The following KCNMB3 variants were observed in gnomAD, a reference collection of about 807,000 sequenced individuals.
KCNMB3 encodes the protein calcium-activated potassium channel subunit beta-3.
Under a neutral mutation model 11.9 loss-of-function variants are expected in KCNMB3, and 18 were observed. The ratio of observed to expected loss-of-function variants is 1.51; its 90% CI spans 1.04 to 2.23. The LOEUF (loss-of-function observed/expected upper bound fraction) is 2.23. Among genes scored for constraint, KCNMB3 ranks in the 30% most tolerant of loss-of-function variants. The pLI, the probability that KCNMB3 is intolerant of heterozygous loss-of-function variation, is 0.00. For missense variants in KCNMB3, 247 were observed against 329.4 expected (o/e 0.75, Z 1.94); for synonymous variants, 78 against 119.2 (o/e 0.65, Z 2.25).
rs187823050 is a variant in KCNMB3 at position 179,242,884 on chromosome 3, A to C, written c.*20T>G. 2.3e-4 allele frequency: 367 copies of C among 1,563,654 alleles called. 3 individuals are homozygous for C. In the African/African-American group the frequency reaches 4.5e-3, roughly 19 times the overall value. ...AAATCACAGACATCTGAAGGCCAGC[A>C]CTTTAATTTGGCCACCGTCTTAAGA... is the stretch of plus-strand genomic sequence containing the variant. On this transcript the variant is annotated 3_prime_UTR_variant, in exon 3 of 3. Coordinates refer to ENST00000392685, the MANE Select transcript of KCNMB3 (RefSeq NM_171830.2).
chr3:179,266,685 T>C (rs1364842052), exon 1 of KCNMB3: 1 of 1,614,204 alleles, frequency 6.2e-7, no homozygotes. Flanking sequence ...AAGTGTGATT[T>C]GCACGGGGAT....
chr3:179,255,708 G>A (rs1466255919), upstream of KCNMB3, among the ~76,000 whole-genome samples: 2 of 152,146 alleles, frequency 1.3e-5, no homozygotes, highest in African/African-American at 4.8e-5. Flanking sequence ...CCAGTTCCCA[G>A]ACTCCAGAAG....
intron 1 of KCNMB3, among the ~76,000 whole-genome samples, chr3:179,248,702 T>C (rs1010805315): frequency 6.9e-6 from 1 of 144,158 alleles, no homozygotes; most frequent in Non-Finnish European, 1.5e-5. Context: ...CACTTCAGCC[T>C]GGGTGACAGA....
At chr3:179,247,589 C>T (rs186031872) in intron 1 of KCNMB3, among the ~76,000 whole-genome samples, 95 of 152,252 alleles carry the variant, frequency 6.2e-4, no homozygotes, top group South Asian at 3.9e-3. Flanking sequence ...TACAAAGTTG[C>T]CTCTGGGTTT....
upstream of KCNMB3, among the ~76,000 whole-genome samples, chr3:179,254,902 T>C (rs1426862995): frequency 6.6e-6 from 1 of 152,178 alleles, no homozygotes; most frequent in Non-Finnish European, 1.5e-5. Flanking sequence ...AGGTAGTTCA[T>C]GGCTATAATC....
intron 1 of KCNMB3, among the ~76,000 whole-genome samples, chr3:179,257,737 G>A (rs1726059781): frequency 6.6e-6 from 1 of 152,128 alleles, no homozygotes; most frequent in Admixed American, 6.6e-5. Context: ...TTTAGAGACA[G>A]GGTCTCACTC....
chr3:179,258,529 C>T (rs1301084151), intron 1 of KCNMB3, among the ~76,000 whole-genome samples: 1 of 152,080 alleles, frequency 6.6e-6, no homozygotes, highest in Non-Finnish European at 1.5e-5. Flanking sequence ...AATAAAATAC[C>T]ATACAGGTTA....
At chr3:179,260,428 C>T (rs1726169063) in intron 1 of KCNMB3, 14 of 1,613,842 alleles carry the variant, frequency 8.7e-6, no homozygotes, top group Middle Eastern at 1.7e-4. Context: ...GCAGTGAATA[C>T]CTCTATGTCC....
rs372602714 is a variant in KCNMB3 at position 179,265,710 on chromosome 3, G to A, written c.62+939C>T. Among the ~76,000 whole-genome samples, 9 of 152,228 alleles carry A rather than the reference G, an allele frequency of 5.9e-5. 2 individuals are homozygous for A. The highest frequency in any genetic ancestry group is 1.9e-4 in the East Asian group (1 of 5,184). On this transcript the variant is annotated intron_variant, in intron 1 of 3. Transcript: ENST00000349697. ...TGACCTCAGGTGATCCACTCACCTCGGCCTCCCAAAGTGCTGGGATTACAG... is the reference window on the plus strand; with the variant it reads ...TGACCTCAGGTGATCCACTCACCTCAGCCTCCCAAAGTGCTGGGATTACAG...
Position 179,249,641 on chromosome 3 carries a change from C to A in KCNMB3, c.248+1102G>T, listed in dbSNP as rs369067233. Among the ~76,000 whole-genome samples the A allele has an allele frequency of 1.9e-3, 291 of 152,214 alleles. 2 individuals are homozygous for A. Among genetic ancestry groups the A allele is most frequent in the South Asian group, 0.013 (64 of 4,820 alleles). On this transcript the variant is annotated intron_variant, in intron 1 of 2. Coordinates refer to ENST00000392685, the MANE Select transcript of KCNMB3 (RefSeq NM_171830.2). ...TGAGCCAAGATCGTGCCACTGCACT[C>A]CAGCCTGGCGACAGAGCAAGACTCC...
At chr3:179,266,566 C>A in intron 1 of KCNMB3, 1 of 1,532,898 alleles carries the variant, frequency 6.5e-7, no homozygotes, top group South Asian at 1.1e-5. Flanking sequence ...CACTCACTCC[C>A]CAAGCTCGAG....
At chr3:179,256,967 G>A (rs532724458) in intron 1 of KCNMB3, among the ~76,000 whole-genome samples, 5 of 152,140 alleles carry the variant, frequency 3.3e-5, no homozygotes, top group Admixed American at 1.3e-4. Context: ...TTCGAGACCA[G>A]CCTGGGCAAC....
rs149330490 is a variant in KCNMB3, at chr3:179,248,690, T to C, written c.248+2053A>G. 4.0e-3 allele frequency among the ~76,000 whole-genome samples: 590 copies of C among 146,698 alleles called. 3 individuals carry two copies. The highest frequency in any genetic ancestry group is 0.014 in the African/African-American group (573 of 39,574). On this transcript the variant is annotated intron_variant, in intron 1 of 2. Transcript: ENST00000392685. ...CTGCAGTGAGCCATGATTGAACCAC[T>C]GCACTTCAGCCTGGGTGACAGAGTG... is the stretch of plus-strand genomic sequence containing the variant.
chr3:179,259,165 T>A (rs1726119223), intron 1 of KCNMB3: 1 of 1,563,842 alleles, frequency 6.4e-7, no homozygotes, highest in East Asian at 2.2e-5. Flanking sequence ...AAAGCTTTCC[T>A]GATGGTCTGA....
At position 179,249,264 on chromosome 3, in the gene KCNMB3, C is replaced by T. The variant is rs1448193153; in HGVS notation, c.248+1479G>A. ...TCCTGACCTCGTGATCCACCCATCT[C>T]GGCCTCCCAAAGTGCTGGGATTACA... is the stretch of plus-strand genomic sequence containing the variant. On this transcript the variant is annotated intron_variant, in intron 1 of 2. Coordinates refer to ENST00000392685, the MANE Select transcript of KCNMB3 (RefSeq NM_171830.2). Among the ~76,000 whole-genome samples the T allele has an allele frequency of 2.0e-5, 3 of 150,420 alleles. No homozygotes were observed. In the East Asian group the frequency reaches 5.9e-4, roughly 30 times the overall value.
intron 1 of KCNMB3, chr3:179,260,354 T>A: frequency 1.9e-6 from 3 of 1,614,054 alleles, no homozygotes; most frequent in Non-Finnish European, 2.5e-6. Flanking sequence ...AGGTAGCACC[T>A]GCTAAGGTTC....
intron 1 of KCNMB3, chr3:179,261,329 G>GCC (rs147623976): frequency 4.6e-4 from 520 of 1,128,972 alleles, no homozygotes; most frequent in Admixed American, 6.2e-4. Context: ...CCGTGCCGGA[G>GCC]CCCCCCCCCG....
chr3:179,266,749 AGTCATGCCCCTGC>A, exon 1 of KCNMB3: 2 of 1,611,276 alleles, frequency 1.2e-6, no homozygotes, highest in Non-Finnish European at 1.7e-6. Flanking sequence ...CTTTCACCTG[AGTCATGCCCCTGC>A]GGGCGCAAGA....
intron 1 of KCNMB3, chr3:179,260,899 T>TGAAATGAA: frequency 8.7e-7 from 1 of 1,152,164 alleles, no homozygotes; most frequent in Non-Finnish European, 1.3e-6. Flanking sequence ...TTTCATTGTC[T>TGAAATGAA]AACTGAGCAT....
Sources: allele counts gnomAD v4.1 joint callset (sites outside exome capture counted in the v4.1 genomes callset), GRCh38; gene constraint gnomAD v4.1.1; transcripts MANE v1.5; gene names NCBI Gene and HGNC (gene_info 2026-07-23, HGNC 2026-07-21).